The following STK24 variants were observed in gnomAD, a reference collection of about 807,000 sequenced individuals.
STK24 encodes the protein serine/threonine-protein kinase 24.
In STK24, 21 loss-of-function variants were observed where a neutral mutation model predicts 55.6. The ratio of observed to expected loss-of-function variants is 0.38; its 90% CI spans 0.27 to 0.54. The LOEUF (loss-of-function observed/expected upper bound fraction) is 0.54, where lower values mean the gene tolerates loss of function less well. Among genes scored for constraint, STK24 ranks in the 20% least tolerant of loss-of-function variants. STK24 has a pLI of 0.79. For missense variants in STK24, 383 were observed against 538.4 expected (o/e 0.71, Z 2.86); for synonymous variants, 200 against 215.2 (o/e 0.93, Z 0.62).
At chr13:98,535,394 TGTATACACACAC>T (rs1430850843) in intron 1 of STK24, among the ~76,000 whole-genome samples, 12 of 104,084 alleles carry the variant, frequency 1.2e-4, no homozygotes, top group African/African-American at 4.5e-4. Flanking sequence ...TATATATGTG[TGTATACACACAC>T]ACACACACAC....
chr13:98,488,019 C>A (rs1327377188), intron 2 of STK24, among the ~76,000 whole-genome samples: 2 of 152,028 alleles, frequency 1.3e-5, no homozygotes, highest in East Asian at 3.8e-4. Flanking sequence ...GCTTCCCTCT[C>A]CCACACACCC....
Position 98,448,401 on chromosome 13 carries a change from AAC to A in STK24, c.*4770_*4771del. 1.8e-6 allele frequency: 2 copies of A among 1,108,766 alleles called. No individual in the cohort carries two copies. Among genetic ancestry groups the A allele is most frequent in the Admixed American group, 1.8e-5 (1 of 56,638 alleles). 68.7% of individuals were successfully genotyped at this position (1,108,766 alleles called of 1,614,324 possible). Reference sequence around the variant, plus strand: ...TGTATTAATGAAGCCTGGTAAAATTAACACCTGTCTGAAAATCAAAAACATGG... The same window carrying A: ...TGTATTAATGAAGCCTGGTAAAATTAACCTGTCTGAAAATCAAAAACATGG... On this transcript the variant is annotated 3_prime_UTR_variant, in exon 11 of 11. Transcript: ENST00000539966.
intron 2 of STK24, among the ~76,000 whole-genome samples, chr13:98,483,206 C>T (rs190545596): frequency 1.3e-5 from 2 of 152,324 alleles, no homozygotes; most frequent in African/African-American, 2.4e-5. Context: ...CCTAGGGGCC[C>T]GGGCAGCTGT....
At chr13:98,510,590 G>T (rs532005976) in intron 2 of STK24, among the ~76,000 whole-genome samples, 1 of 152,314 alleles carries the variant, frequency 6.6e-6, no homozygotes, top group African/African-American at 2.4e-5. Flanking sequence ...ACATTATTCA[G>T]CAATAAAAAG....
chr13:98,531,856 G>A (rs983219162), intron 1 of STK24, among the ~76,000 whole-genome samples: 2 of 152,140 alleles, frequency 1.3e-5, no homozygotes, highest in South Asian at 2.1e-4. Context: ...CTGCATAGAC[G>A]CAGGACAGTG....
At chr13:98,543,072 AG>A in intron 1 of STK24, 1 of 970,480 alleles carries the variant, frequency 1.0e-6, no homozygotes, top group Non-Finnish European at 1.2e-6. Flanking sequence ...AGGCCAAGGG[AG>A]GGGGGAGAGG....
At chr13:98,458,570 A>T (rs1173799685) in intron 9 of STK24, among the ~76,000 whole-genome samples, 28 of 151,898 alleles carry the variant, frequency 1.8e-4, no homozygotes, top group Non-Finnish European at 5.9e-5. Flanking sequence ...CGAGGCGGCC[A>T]CTCGTGTTTG....
chr13:98,575,899 C>T, intron 1 of STK24: 1 of 425,758 alleles, frequency 2.3e-6, no homozygotes, highest in Non-Finnish European at 3.1e-6. Flanking sequence ...AAAACAACAA[C>T]AACAAAAAAC....
intron 1 of STK24, chr13:98,542,981 G>A: frequency 1.0e-6 from 1 of 985,350 alleles, no homozygotes; most frequent in East Asian, 1.1e-4. Context: ...ACCACTTCCT[G>A]TAGCAGAAAA....
chr13:98,471,202 G>A (rs1203819213), intron 5 of STK24, among the ~76,000 whole-genome samples: 2 of 152,144 alleles, frequency 1.3e-5, no homozygotes, highest in East Asian at 1.9e-4. Flanking sequence ...GGTACGCAGT[G>A]CAGTAGACAG....
chr13:98,523,273 A>C (rs1424911205), intron 1 of STK24, among the ~76,000 whole-genome samples: 2 of 152,136 alleles, frequency 1.3e-5, no homozygotes, highest in African/African-American at 4.8e-5. Flanking sequence ...CCATACTAAG[A>C]GTGGCCTTTC....
At chr13:98,525,396 C>T (rs533042481) in intron 1 of STK24, among the ~76,000 whole-genome samples, 124 of 152,298 alleles carry the variant, frequency 8.1e-4, no homozygotes, top group Non-Finnish European at 3.8e-4. Flanking sequence ...CCAAGGGCTC[C>T]GCCTTTTCTG....
chr13:98,458,388 T>C (rs968740394), intron 9 of STK24, among the ~76,000 whole-genome samples: 3 of 152,212 alleles, frequency 2.0e-5, no homozygotes, highest in African/African-American at 7.2e-5. Context: ...TTTCAGGTTG[T>C]TGAACACATG....
rs1445931435 is a variant in STK24, at chr13:98,446,921, C to CTGCCAACTA, written c.*6243_*6251dup. On this transcript the variant is annotated 3_prime_UTR_variant, in exon 11 of 11. Coordinates refer to ENST00000539966, the MANE Select transcript of STK24 (RefSeq NM_001032296.4). The stretch of plus-strand genomic sequence containing the variant: ...GCGAGTGAGATGGCCCCACCCTTCC[C>CTGCCAACTA]TGCCAACTAAGCGTTTAGACCTGGG... 1.1e-5 allele frequency: 14 copies of CTGCCAACTA among 1,261,910 alleles called. No individual in the cohort carries two copies. Among genetic ancestry groups the CTGCCAACTA allele is most frequent in the Non-Finnish European group, 1.6e-5 (14 of 887,262 alleles). 78.2% of individuals were successfully genotyped at this position (1,261,910 alleles called of 1,614,324 possible). A position where few individuals can be genotyped will look rare whatever the true frequency, so the allele number is the denominator to read the frequency against.
chr13:98,452,900 A>C lies in STK24; in HGVS notation c.*273T>G. The C allele has an allele frequency of 3.3e-5, 11 of 334,846 alleles. No individual in the cohort carries two copies. The highest frequency in any genetic ancestry group is 4.8e-5 in the Non-Finnish European group (9 of 185,788). 20.7% of individuals were successfully genotyped at this position (334,846 alleles called of 1,614,324 possible). A position where few individuals can be genotyped will look rare whatever the true frequency, so the allele number is the denominator to read the frequency against. On this transcript the variant is annotated 3_prime_UTR_variant, in exon 11 of 11. Coordinates refer to ENST00000539966, the MANE Select transcript of STK24 (RefSeq NM_001032296.4). ...GTTTTTAAAGACACTTTCCTGGAAT[A>C]TGTGCACTATGGTTAAAATTAAAAA... is the stretch of plus-strand genomic sequence containing the variant.
intron 1 of STK24, chr13:98,542,737 G>A: frequency 1.4e-6 from 1 of 738,352 alleles, no homozygotes; most frequent in Non-Finnish European, 1.7e-6. Context: ...GTGACGGGAA[G>A]CAAAGCAGCC....
intron 5 of STK24, among the ~76,000 whole-genome samples, chr13:98,469,687 C>A (rs1245015934): frequency 2.6e-5 from 4 of 152,172 alleles, no homozygotes; most frequent in Admixed American, 2.6e-4. Flanking sequence ...GGGCTCTCAG[C>A]ACCCTGCGTC....
intron 1 of STK24, among the ~76,000 whole-genome samples, chr13:98,535,232 G>A (rs1456826900): frequency 6.6e-6 from 1 of 152,106 alleles, no homozygotes; most frequent in Non-Finnish European, 1.5e-5. Context: ...AACTACCTGG[G>A]AGGCTGAGGC....
chr13:98,528,178 C>T (rs1896486104), intron 1 of STK24, among the ~76,000 whole-genome samples: 1 of 152,172 alleles, frequency 6.6e-6, no homozygotes, highest in Admixed American at 6.5e-5. Flanking sequence ...CTCGGGCTCC[C>T]TTCACAGACT....
Sources: allele counts gnomAD v4.1 joint callset (sites outside exome capture counted in the v4.1 genomes callset), GRCh38; gene constraint gnomAD v4.1.1; transcripts MANE v1.5; gene names NCBI Gene and HGNC (gene_info 2026-07-23, HGNC 2026-07-21).